ZNF667: variants seen among roughly 807,000 people sequenced by gnomAD.
ZNF667 encodes the protein myocardial ischemic preconditioning upregulated 1 ortholog.
Under a neutral mutation model 31.8 loss-of-function variants are expected in ZNF667, and 13 were observed. The ratio of observed to expected loss-of-function variants is 0.41; its 90% CI spans 0.27 to 0.65. The LOEUF is 0.65. Ranked by LOEUF, ZNF667 falls within the 30% of genes least tolerant of loss-of-function variation. The pLI is 0.32. For synonymous variants in ZNF667, 228 were observed against 247.1 expected (o/e 0.92, Z 0.73); for missense variants, 642 against 725.6 (o/e 0.88, Z 1.32).
At chr19:56,449,435 G>A in intron 6 of ZNF667, 1 of 263,814 alleles carries the variant, frequency 3.8e-6, no homozygotes, top group Non-Finnish European at 7.7e-6. Flanking sequence ...CAGCACTTTG[G>A]GAGGCCAAGG....
At chr19:56,448,741 C>T (rs371047626) in intron 6 of ZNF667, among the ~76,000 whole-genome samples, 43 of 152,126 alleles carry the variant, frequency 2.8e-4, no homozygotes, top group African/African-American at 9.7e-4. Flanking sequence ...CAACTCGCTG[C>T]CCTAAAGGGA....
chr19:56,458,093 T>C, intron 6 of ZNF667, 62 bp downstream of exon 6: 4 of 1,413,020 alleles, frequency 2.8e-6, no homozygotes, highest in South Asian at 1.2e-5. Context: ...ACCTAATATA[T>C]GGCATTCTGT....
intron 3 of ZNF667, chr19:56,469,849 C>T (rs1361031266): frequency 2.3e-6 from 1 of 443,352 alleles, no homozygotes; most frequent in South Asian, 1.6e-5. Context: ...AACTGAATGA[C>T]TGAATGGCTT....
chr19:56,461,333 G>A (rs191920893), intron 4 of ZNF667, among the ~76,000 whole-genome samples: 10 of 152,322 alleles, frequency 6.6e-5, no homozygotes, highest in African/African-American at 1.7e-4. Flanking sequence ...TTCTTTGAGG[G>A]TATAATCAAG....
chr19:56,460,952 A>T (rs756508566), intron 4 of ZNF667, 137 bp from the exon 5 acceptor site: 12 of 691,990 alleles, frequency 1.7e-5, no homozygotes, highest in Admixed American at 1.5e-4. Context: ...TTCTGAGGCC[A>T]AAAGGGGCAG....
chr19:56,466,973 G>C (rs1398837970), intron 3 of ZNF667: 5 of 455,774 alleles, frequency 1.1e-5, no homozygotes, highest in Non-Finnish European at 1.3e-5. Flanking sequence ...TTCTTTCACT[G>C]TGCTCTGTGA....
At chr19:56,460,220 T>C (rs1174505727) in intron 5 of ZNF667, among the ~76,000 whole-genome samples, 1 of 152,226 alleles carries the variant, frequency 6.6e-6, no homozygotes, top group Non-Finnish European at 1.5e-5. Context: ...ATCCATACCA[T>C]ACATATTCTT....
rs1380135222 is a variant in ZNF667 at position 56,439,940 on chromosome 19, G to A, written c.*1222C>T. The A allele has an allele frequency of 4.6e-5, 7 of 151,256 alleles. No individual in the cohort carries two copies. Among genetic ancestry groups the A allele is most frequent in the East Asian group, 3.9e-4 (2 of 5,194 alleles). 9.4% of individuals were successfully genotyped at this position (151,256 alleles called of 1,614,324 possible). On this transcript the variant is annotated 3_prime_UTR_variant, in exon 7 of 7. Transcript: ENST00000504904. ...CCCAAAGTGCTGGGATTACAGGCAT[G>A]AGCCACCGGGCTCAGCCTGATGTCT... is the stretch of plus-strand genomic sequence containing the variant.
chr19:56,448,273 C>A (rs1381189425), intron 6 of ZNF667, among the ~76,000 whole-genome samples: 1 of 152,098 alleles, frequency 6.6e-6, no homozygotes, highest in Non-Finnish European at 1.5e-5. Flanking sequence ...CCAGCACCCC[C>A]AGAGGAAGCA....
At chr19:56,464,656 C>T (rs1039339881) in intron 3 of ZNF667, among the ~76,000 whole-genome samples, 16 of 152,206 alleles carry the variant, frequency 1.1e-4, no homozygotes, top group Admixed American at 3.3e-4. Context: ...CCATTTTCCA[C>T]ATAGCACTTA....
intron 3 of ZNF667, among the ~76,000 whole-genome samples, chr19:56,467,438 C>T (rs2043187236): frequency 6.6e-6 from 1 of 152,222 alleles, no homozygotes; most frequent in Non-Finnish European, 1.5e-5. Flanking sequence ...TCCATGACCA[C>T]ATGTGTGAGG....
rs1340725466 is a variant in ZNF667, at chr19:56,460,737, A to C, written c.112T>G (p.Leu38Val). 1 of 1,612,638 alleles carries C rather than the reference A, an allele frequency of 6.2e-7. No individual in the cohort carries two copies. Residue 38 changes from leucine to valine, a missense_variant, in exon 5 of 7, where the codon TTG becomes GTG. Transcript: ENST00000504904. ...TTCTCCAACATGACATCTTCATACA[A>C]ATCCTTCTGAATGGGGCTCAGCCAT... ...WEWLSPIQKD[L>V]YEDVMLENYR...
Position 56,440,636 on chromosome 19 carries a change from G to A in ZNF667, c.*526C>T, listed in dbSNP as rs566859946. 2.2e-4 allele frequency: 206 copies of A among 936,204 alleles called. No homozygotes were observed. The highest frequency in any genetic ancestry group is 5.8e-4 in the Admixed American group (7 of 12,018). The allele number at this position is 936,204 out of a possible 1,614,324, so 58.0% of individuals were successfully genotyped here. On this transcript the variant is annotated 3_prime_UTR_variant, in exon 7 of 7. Transcript: ENST00000504904. ...AAAACTATGCTGGAAGTAAAATATCGGTAATTTTTTTTTTTTTTGACACAG... is the reference window on the plus strand; with the variant it reads ...AAAACTATGCTGGAAGTAAAATATCAGTAATTTTTTTTTTTTTTGACACAG...
chr19:56,451,262 G>A (rs1336320174), intron 6 of ZNF667, among the ~76,000 whole-genome samples: 1 of 151,912 alleles, frequency 6.6e-6, no homozygotes, highest in Admixed American at 6.6e-5. Flanking sequence ...GATCAATTCA[G>A]CAAAGGGATA....
At chr19:56,457,274 C>A (rs188738657) in intron 6 of ZNF667, among the ~76,000 whole-genome samples, 1 of 151,898 alleles carries the variant, frequency 6.6e-6, no homozygotes, top group African/African-American at 2.4e-5. Flanking sequence ...TGAATGTTAT[C>A]GTAAGTATTA....
chr19:56,464,551 C>T (rs1343230701), intron 3 of ZNF667, among the ~76,000 whole-genome samples: 1 of 152,160 alleles, frequency 6.6e-6, no homozygotes, highest in Admixed American at 6.6e-5. Context: ...TGCTTTTTAC[C>T]CTTTTCAATG....
At chr19:56,459,362 T>C (rs1437340312) in intron 5 of ZNF667, among the ~76,000 whole-genome samples, 1 of 152,152 alleles carries the variant, frequency 6.6e-6, no homozygotes, top group African/African-American at 2.4e-5. Context: ...GGCCTTGCTG[T>C]CTTCACTTCT....
At chr19:56,457,864 G>C (rs989180657) in intron 6 of ZNF667, among the ~76,000 whole-genome samples, 2 of 152,138 alleles carry the variant, frequency 1.3e-5, no homozygotes, top group African/African-American at 4.8e-5. Flanking sequence ...TTTAAGTCAC[G>C]AAGGTGGAGC....
chr19:56,443,311 T>G (rs1368848444), intron 6 of ZNF667, among the ~76,000 whole-genome samples: 2 of 152,174 alleles, frequency 1.3e-5, no homozygotes, highest in Non-Finnish European at 2.9e-5. Context: ...AGATCAAATT[T>G]AAAAAGAACT....
Sources: gnomAD v4.1 joint callset for allele counts (sites outside exome capture counted in the v4.1 genomes callset) on GRCh38, gnomAD v4.1.1 for gene constraint, MANE v1.5 for transcripts, NCBI Gene and HGNC (gene_info 2026-07-23, HGNC 2026-07-21) for gene names.